The following CNTNAP2 variants were observed in gnomAD, a reference collection of about 807,000 sequenced individuals.
CNTNAP2 encodes contactin associated protein 2, also known as contactin-associated protein-like 2.
In CNTNAP2, 98 loss-of-function variants were observed where a neutral mutation model predicts 155.2. The observed-to-expected ratio is 0.63, with a 90% CI of 0.54 to 0.75. The LOEUF is 0.75. Among genes scored for constraint, CNTNAP2 ranks in the 30% least tolerant of loss-of-function variants. The pLI is 0.00. For missense variants in CNTNAP2, 1,727 were observed against 1,688.1 expected, an observed-to-expected ratio of 1.02 and a Z score of -0.40; for synonymous variants, 651 against 631.2, an observed-to-expected ratio of 1.03 and a Z score of -0.47.
At chr7:147,487,076 C>T (rs1019786040) in intron 11 of CNTNAP2, among the ~76,000 whole-genome samples, 2 of 152,112 alleles carry the variant, frequency 1.3e-5, no homozygotes, top group Admixed American at 6.6e-5. Flanking sequence ...GCCCTGTGTA[C>T]AGTAAAAATG....
chr7:147,283,720 G>C (rs1366003321), intron 8 of CNTNAP2, among the ~76,000 whole-genome samples: 1 of 151,804 alleles, frequency 6.6e-6, no homozygotes, highest in Non-Finnish European at 1.5e-5. Flanking sequence ...TTCTGAAATA[G>C]AGAACAAATG....
intron 1 of CNTNAP2, among the ~76,000 whole-genome samples, chr7:146,669,767 T>A (rs189617354): frequency 6.6e-6 from 1 of 152,228 alleles, no homozygotes; most frequent in Admixed American, 6.5e-5. Flanking sequence ...TTAAGGAAAT[T>A]TGATGCACTG....
chr7:147,630,672 C>A (rs1795071874), intron 12 of CNTNAP2, among the ~76,000 whole-genome samples: 1 of 152,080 alleles, frequency 6.6e-6, no homozygotes, highest in Admixed American at 6.6e-5. Flanking sequence ...ATTTAACATA[C>A]ACAACCAAAT....
At chr7:147,683,245 T>C (rs530197039) in intron 13 of CNTNAP2, among the ~76,000 whole-genome samples, 117 of 151,668 alleles carry the variant, frequency 7.7e-4, no homozygotes, top group Non-Finnish European at 1.3e-3. Context: ...TTAATCCCAA[T>C]TTAAACAGGT....
intron 1 of CNTNAP2, among the ~76,000 whole-genome samples, chr7:146,503,677 C>T (rs376475438): frequency 1.4e-3 from 213 of 152,292 alleles, no homozygotes; most frequent in African/African-American, 4.8e-3. Context: ...CCCATCACCA[C>T]TTATTGAAGA....
chr7:147,986,390 T>C (rs1801618214), intron 15 of CNTNAP2, among the ~76,000 whole-genome samples: 1 of 152,182 alleles, frequency 6.6e-6, no homozygotes, highest in African/African-American at 2.4e-5. Flanking sequence ...GAGAAGATGC[T>C]CTAAATTGTT....
At chr7:147,674,172 C>A (rs1300429791) in intron 13 of CNTNAP2, among the ~76,000 whole-genome samples, 1 of 151,998 alleles carries the variant, frequency 6.6e-6, no homozygotes, top group Non-Finnish European at 1.5e-5. Context: ...CGATAGTAAG[C>A]CTCACTCCCG....
chr7:147,467,955 C>T (rs2116601582), intron 10 of CNTNAP2, among the ~76,000 whole-genome samples: 1 of 152,032 alleles, frequency 6.6e-6, no homozygotes, highest in South Asian at 2.1e-4. Context: ...TGCTTGAGCC[C>T]AGGTGTTTGA....
intron 1 of CNTNAP2, among the ~76,000 whole-genome samples, chr7:146,597,901 TCTC>T (rs547715375): frequency 1.1e-4 from 16 of 152,196 alleles, no homozygotes; most frequent in Admixed American, 7.9e-4. Context: ...CCGAACCTCT[TCTC>T]CTAGAGTCAC....
chr7:147,638,318 A>T (rs1795215863), intron 12 of CNTNAP2, among the ~76,000 whole-genome samples: 1 of 152,138 alleles, frequency 6.6e-6, no homozygotes, highest in Non-Finnish European at 1.5e-5. Context: ...GTATTTAGTG[A>T]TCACAGTCTG....
chr7:147,653,267 A>C (rs1232995623), intron 13 of CNTNAP2, among the ~76,000 whole-genome samples: 1 of 151,968 alleles, frequency 6.6e-6, no homozygotes, highest in Non-Finnish European at 1.5e-5. Context: ...TCTTTTTTTG[A>C]TCTTTTCAGA....
chr7:148,413,485 G>A lies in CNTNAP2; in HGVS notation c.3797-1932G>A, dbSNP rs114965008. Reference sequence around the variant, plus strand: ...TTCTTGTAACATTTTTCTGGTTTTAGTGTCAGGATAATGCTGGTCTCATAA... The same window carrying A: ...TTCTTGTAACATTTTTCTGGTTTTAATGTCAGGATAATGCTGGTCTCATAA... On this transcript the variant is annotated intron_variant, in intron 23 of 23. Coordinates refer to ENST00000361727, the MANE Select transcript of CNTNAP2 (RefSeq NM_014141.6). Among the ~76,000 whole-genome samples the A allele has an allele frequency of 7.4e-3, 1,000 of 135,110 alleles. 105 individuals carry two copies. Among genetic ancestry groups the A allele is most frequent in the African/African-American group, 0.027 (952 of 35,782 alleles). 88.6% of individuals were successfully genotyped at this position (135,110 alleles called of 152,430 possible). A position where few individuals can be genotyped will look rare whatever the true frequency, so the allele number is the denominator to read the frequency against.
chr7:146,317,263 G>C (rs1329657574), intron 1 of CNTNAP2, among the ~76,000 whole-genome samples: 1 of 152,138 alleles, frequency 6.6e-6, no homozygotes, highest in East Asian at 1.9e-4. Flanking sequence ...CAAGCAAATA[G>C]GTAATCATCT....
intron 1 of CNTNAP2, among the ~76,000 whole-genome samples, chr7:146,483,990 C>T (rs527515264): frequency 1.4e-4 from 22 of 152,310 alleles, no homozygotes; most frequent in Non-Finnish European, 2.9e-5. Context: ...CCCAGAGCAA[C>T]TTCTAGTCAT....
chr7:146,993,566 C>A (rs1347849494), intron 3 of CNTNAP2, among the ~76,000 whole-genome samples: 1 of 152,070 alleles, frequency 6.6e-6, no homozygotes, highest in East Asian at 1.9e-4. Context: ...AGTTAACAAC[C>A]ACCTGCCCAT....
intron 1 of CNTNAP2, among the ~76,000 whole-genome samples, chr7:146,339,602 T>C (rs188925206): frequency 5.3e-5 from 8 of 152,198 alleles, no homozygotes; most frequent in Non-Finnish European, 1.2e-4. Flanking sequence ...ACCAAGTTTT[T>C]TGTATTTACA....
intron 15 of CNTNAP2, among the ~76,000 whole-genome samples, chr7:148,055,085 T>C (rs886447116): frequency 1.3e-5 from 2 of 151,938 alleles, no homozygotes; most frequent in African/African-American, 2.4e-5. Context: ...GGTTTTACCA[T>C]GTTGGCCAGG....
chr7:146,375,815 A>G (rs1795296534), intron 1 of CNTNAP2, among the ~76,000 whole-genome samples: 1 of 152,190 alleles, frequency 6.6e-6, no homozygotes, highest in Non-Finnish European at 1.5e-5. Context: ...AGGTCTCCTG[A>G]TGAGAAATTC....
chr7:146,272,971 G>A (rs1457637257), intron 1 of CNTNAP2, among the ~76,000 whole-genome samples: 3 of 151,992 alleles, frequency 2.0e-5, no homozygotes, highest in Non-Finnish European at 4.4e-5. Context: ...GAAGCGAGAG[G>A]TATAGAATTG....
Sources: allele counts gnomAD v4.1 joint callset (sites outside exome capture counted in the v4.1 genomes callset), GRCh38; gene constraint gnomAD v4.1.1; transcripts MANE v1.5; gene names NCBI Gene and HGNC (gene_info 2026-07-23, HGNC 2026-07-21).